ARHGEF37: variants seen among roughly 807,000 people sequenced by gnomAD.
The protein encoded by ARHGEF37 is Rho guanine nucleotide exchange factor 37.
A neutral mutation model predicts 71.1 loss-of-function variants in ARHGEF37; 55 were observed. The observed-to-expected ratio is 0.77, with a 90% CI of 0.62 to 0.97. The LOEUF (loss-of-function observed/expected upper bound fraction) is 0.97. Ranked by LOEUF, ARHGEF37 falls within the 50% of genes least tolerant of loss-of-function variation. The pLI is 0.00. For synonymous variants in ARHGEF37, 327 were observed against 350.6 expected, an observed-to-expected ratio of 0.93 and a Z score of 0.75; for missense variants, 765 against 836.8, an observed-to-expected ratio of 0.91 and a Z score of 1.06.
At chr5:149,573,752 CAT>C (rs1762997296) in intron 1 of ARHGEF37, among the ~76,000 whole-genome samples, 3 of 152,106 alleles carry the variant, frequency 2.0e-5, no homozygotes, top group East Asian at 3.9e-4. Context: ...ATATATGCAC[CAT>C]ATATATATTT....
chr5:149,618,498 T>A (rs1274494331), intron 6 of ARHGEF37, among the ~76,000 whole-genome samples, 192 bp downstream of exon 6: 1 of 152,160 alleles, frequency 6.6e-6, no homozygotes, highest in Non-Finnish European at 1.5e-5. Flanking sequence ...TTCTCCAGTG[T>A]CTTGGGCCAC....
upstream of ARHGEF37, among the ~76,000 whole-genome samples, chr5:149,579,420 A>G (rs1763064111): frequency 6.6e-6 from 1 of 152,192 alleles, no homozygotes; most frequent in Non-Finnish European, 1.5e-5. Flanking sequence ...TCAGTAGGTT[A>G]GAATAGACAA....
At chr5:149,581,247 G>A (rs1763098706), upstream of ARHGEF37, among the ~76,000 whole-genome samples, 1 of 152,236 alleles carries the variant, frequency 6.6e-6, no homozygotes, top group South Asian at 2.1e-4. Flanking sequence ...AGCCCGCGGA[G>A]AAGGTGGCTT....
At chr5:149,576,721 C>T (rs1763032582), upstream of ARHGEF37, among the ~76,000 whole-genome samples, 1 of 152,086 alleles carries the variant, frequency 6.6e-6, no homozygotes, top group Admixed American at 6.5e-5. Context: ...CTTTGGGAGG[C>T]AAGGCAGGTG....
chr5:149,566,987 A>C (rs1762906788), intron 1 of ARHGEF37, among the ~76,000 whole-genome samples: 1 of 152,232 alleles, frequency 6.6e-6, no homozygotes, highest in African/African-American at 2.4e-5. Flanking sequence ...ATGTTGATAC[A>C]ATACTATTGT....
At position 149,602,031 on chromosome 5, in the gene ARHGEF37, C is replaced by T. The variant is rs78637208; in HGVS notation, c.310+800C>T. On this transcript the variant is annotated intron_variant, in intron 3 of 12. Transcript: ENST00000333677. The stretch of plus-strand genomic sequence containing the variant: ...GACAGTTTTGAGTGGGGAAGTGACA[C>T]GGTTTGATTTATGTTTTTCTTTTCT... 5.3e-5 allele frequency among the ~76,000 whole-genome samples: 8 copies of T among 151,358 alleles called. No homozygotes were observed. In the East Asian group the frequency reaches 7.8e-4, roughly 15 times the overall value.
At chr5:149,561,848 T>C (rs1249345336) in intron 1 of ARHGEF37, among the ~76,000 whole-genome samples, 1 of 152,282 alleles carries the variant, frequency 6.6e-6, no homozygotes, top group Non-Finnish European at 1.5e-5. Context: ...AAGAATTTTA[T>C]AGTATTTTGG....
At chr5:149,609,523 C>A in intron 3 of ARHGEF37, 25 bp from the exon 4 acceptor site, 1 of 1,612,572 alleles carries the variant, frequency 6.2e-7, no homozygotes, top group East Asian at 2.2e-5. Context: ...CCCTTGACGA[C>A]CCCTTGTTGC....
chr5:149,598,070 T>A (rs1763603803), intron 2 of ARHGEF37, 115 bp downstream of exon 2: 3 of 1,287,130 alleles, frequency 2.3e-6, no homozygotes. Context: ...GCGTGGTAGA[T>A]GTGAAGTCTG....
In ARHGEF37 at chr5:149,634,925, A is replaced by C. The variant is rs557486346; in HGVS notation, c.*2734A>C. 2 of 152,382 alleles carry C rather than the reference A, an allele frequency of 1.3e-5. No individual in the cohort carries two copies. The highest frequency in any genetic ancestry group is 4.1e-4 in the South Asian group (2 of 4,826). 9.4% of individuals were successfully genotyped at this position (152,382 alleles called of 1,614,324 possible). A position where few individuals can be genotyped will look rare whatever the true frequency, so the allele number is the denominator to read the frequency against. ...TATGACGAACCCCAGCTCAATGAGT[A>C]ACTGATGTGAACTGCTGGGAATAAA... On this transcript the variant is annotated 3_prime_UTR_variant, in exon 13 of 13. Coordinates refer to ENST00000333677, the MANE Select transcript of ARHGEF37 (RefSeq NM_001001669.3).
intron 4 of ARHGEF37, 69 bp downstream of exon 4, chr5:149,609,764 A>C: frequency 1.3e-6 from 2 of 1,592,262 alleles, no homozygotes; most frequent in Non-Finnish European, 1.7e-6. Context: ...CTATGGTCTC[A>C]CCCCTTTTTC....
chr5:149,632,345 C>A lies in ARHGEF37; in HGVS notation c.*154C>A. ...TCAGGAGGCAGCCAGAAGACATGGG[C>A]GGGCCTCGCAGAGTGCTTGGTGTGG... On this transcript the variant is annotated 3_prime_UTR_variant, in exon 13 of 13. Coordinates refer to ENST00000333677, the MANE Select transcript of ARHGEF37 (RefSeq NM_001001669.3). 2 of 808,230 alleles carry A rather than the reference C, an allele frequency of 2.5e-6. No individual in the cohort carries two copies. Among genetic ancestry groups the A allele is most frequent in the Non-Finnish European group, 3.8e-6 (2 of 521,178 alleles). The allele number at this position is 808,230 out of a possible 1,614,324, so 50.1% of individuals were successfully genotyped here. A position where few individuals can be genotyped will look rare whatever the true frequency, so the allele number is the denominator to read the frequency against.
rs1045140812 is a variant in ARHGEF37 at position 149,627,100 on chromosome 5, C to G, written c.1489C>G (p.Gln497Glu). ...TQPLLPGSER[Q>E]VQALLSRYGP... ...GCCGCTCCTTCCAGGGTCTGAACGC[C>G]AGGTGCAGGCTCTCCTGAGCAGGTA... Residue 497 changes from glutamine (Q) to glutamate (E), a missense_variant, in exon 11 of 13, where the codon CAG (glutamine) becomes GAG (glutamate). Physicochemically the swap from Gln to Glu is conservative, Grantham distance 29 (BLOSUM62 2). Around this residue, in one of 5 missense-constraint regions of ARHGEF37, gnomAD observed 390 missense variants for 407.4 expected, o/e 0.96. Transcript: ENST00000333677. 4 of 1,613,486 alleles carry G rather than the reference C, an allele frequency of 2.5e-6. No individual in the cohort carries two copies. Among genetic ancestry groups the G allele is most frequent in the Admixed American group, 1.7e-5 (1 of 59,946 alleles).
At chr5:149,573,515 T>C (rs994237112) in intron 1 of ARHGEF37, among the ~76,000 whole-genome samples, 1 of 152,196 alleles carries the variant, frequency 6.6e-6, no homozygotes, top group African/African-American at 2.4e-5. Flanking sequence ...CCCTTACCCA[T>C]ACTAACTCAA....
In ARHGEF37 at chr5:149,605,772, G is replaced by A. The variant is rs146406475; in HGVS notation, c.311-3776G>A. ...TAATAACCTCCATTTTACCAAAAAC[G>A]TCTCTGAGGCTCAGAGAGGCTAAGT... is the stretch of plus-strand genomic sequence containing the variant. On this transcript the variant is annotated intron_variant, in intron 3 of 12. Coordinates refer to ENST00000333677, the MANE Select transcript of ARHGEF37 (RefSeq NM_001001669.3). 2.2e-4 allele frequency among the ~76,000 whole-genome samples: 34 copies of A among 152,226 alleles called. No homozygotes were observed. In the East Asian group the frequency reaches 5.4e-3, roughly 24 times the overall value.
At chr5:149,626,162 A>C (rs1381753612) in intron 10 of ARHGEF37, among the ~76,000 whole-genome samples, 1 of 150,692 alleles carries the variant, frequency 6.6e-6, no homozygotes, top group Non-Finnish European at 1.5e-5. Flanking sequence ...TCTGTGGCCA[A>C]ATGTTCCTGA....
intron 5 of ARHGEF37, 51 bp downstream of exon 5, chr5:149,616,817 A>G: frequency 8.6e-6 from 13 of 1,506,548 alleles, no homozygotes; most frequent in Non-Finnish European, 1.2e-5. Context: ...GCTTCCAGTT[A>G]CAGAAAATTT....
At chr5:149,574,083 C>T (rs1262169822) in intron 1 of ARHGEF37, among the ~76,000 whole-genome samples, 1 of 152,150 alleles carries the variant, frequency 6.6e-6, no homozygotes, top group Non-Finnish European at 1.5e-5. Flanking sequence ...TATCAACTTG[C>T]ACCCTTATAA....
At chr5:149,586,286 A>T (rs192810501) in intron 1 of ARHGEF37, among the ~76,000 whole-genome samples, 1 of 152,280 alleles carries the variant, frequency 6.6e-6, no homozygotes, top group East Asian at 1.9e-4. Flanking sequence ...TGTTTTTGAG[A>T]TGGAGTCTTG....
Sources: gnomAD v4.1 joint callset for allele counts (sites outside exome capture counted in the v4.1 genomes callset) on GRCh38, gnomAD v4.1.1 for gene constraint, gnomAD v4.1.1 regional missense constraint, MANE v1.5 for transcripts, NCBI Gene and HGNC (gene_info 2026-07-23, HGNC 2026-07-21) for gene names.